The following SIRPD variants were observed in gnomAD, a reference collection of about 807,000 sequenced individuals.
SIRPD encodes signal-regulatory protein delta.
SIRPD carries 21 observed loss-of-function variants against 18.0 expected under a neutral mutation model. The observed-to-expected ratio is 1.17, with a 90% CI of 0.83 to 1.68. The LOEUF is 1.68. Among genes scored for constraint, SIRPD ranks in the 40% most tolerant of loss-of-function variants. The probability of loss-of-function intolerance (pLI) is 0.00; values close to 1 mark genes in which losing one functional copy is unlikely to be tolerated. For missense variants in SIRPD, 295 were observed against 238.4 expected, an observed-to-expected ratio of 1.24 and a Z score of -1.56; for synonymous variants, 106 against 92.9, an observed-to-expected ratio of 1.14 and a Z score of -0.81.
intron 2 of SIRPD, among the ~76,000 whole-genome samples, chr20:1,541,389 T>G (rs986850151): frequency 6.6e-6 from 1 of 152,238 alleles, no homozygotes; most frequent in Non-Finnish European, 1.5e-5. Flanking sequence ...AAATGACCAG[T>G]GATGATGAGC....
At chr20:1,548,122 GTGATAGGAGA>G (rs2091002112) in intron 2 of SIRPD, among the ~76,000 whole-genome samples, 2 of 152,250 alleles carry the variant, frequency 1.3e-5, no homozygotes, top group South Asian at 4.1e-4. Context: ...AGTAGAAATG[GTGATAGGAGA>G]TATCCTTGTG....
chr20:1,538,900 C>T (rs896498876), intron 2 of SIRPD, among the ~76,000 whole-genome samples: 4 of 152,166 alleles, frequency 2.6e-5, no homozygotes, highest in African/African-American at 9.7e-5. Context: ...ATTCCTTACC[C>T]ACAGTGTCAT....
In SIRPD at chr20:1,537,242, G is replaced by T; in HGVS notation, c.490C>A (p.His164Asn). 1 of 1,614,114 alleles carries T rather than the reference G, an allele frequency of 6.2e-7. No individual in the cohort carries two copies. Among genetic ancestry groups the T allele is most frequent in the East Asian group, 2.2e-5 (1 of 44,860 alleles). Residue 164 changes from histidine to asparagine, a missense_variant, in exon 3 of 4, where the codon CAT becomes AAT. By Grantham distance (68) the His-to-Asn change is moderately conservative. Transcript: ENST00000381623. Reference protein sequence around the residue: ...RAGSRAHHDAHTCLSALPERN... With the variant: ...RAGSRAHHDANTCLSALPERN... ...TCAGGCAGGGCCGAGAGGCAGGTAT[G>T]GGCATCATGGTGGGCCCTGGAGCCT... is the stretch of plus-strand genomic sequence containing the variant.
In SIRPD at chr20:1,551,680, G is replaced by C. The variant is rs763660247; in HGVS notation, c.421+11C>G. ...ACACCAGGGGGTATGGGGTATAGGA[G>C]ACATACTCACCAGTAACAAACACCT... is the stretch of plus-strand genomic sequence containing the variant. On this transcript the variant is annotated intron_variant, in intron 2 of 3. Transcript: ENST00000381623. 3.7e-6 allele frequency: 6 copies of C among 1,601,744 alleles called. No homozygotes were observed. The highest frequency in any genetic ancestry group is 5.1e-6 in the Non-Finnish European group (6 of 1,171,214).
Position 1,537,188 on chromosome 20 carries a change from G to A in SIRPD, c.544C>T (p.Pro182Ser), listed in dbSNP as rs778277018. 9 of 1,613,978 alleles carry A rather than the reference G, an allele frequency of 5.6e-6. No individual in the cohort carries two copies. In the Admixed American group the frequency reaches 1.5e-4, roughly 27 times the overall value. Residue 182 changes from proline (P) to serine (S), a missense_variant, in exon 3 of 4, where the codon CCC becomes TCC. Pro to Ser is a moderately conservative substitution (Grantham distance 74). Transcript: ENST00000381623. The stretch of plus-strand genomic sequence containing the variant: ...CCCAGCAGCCGGAGGCAGCAGCAGG[G>A]TTGGACGAAATAGTTTGTGCTGTTT... ...ERNSTNYFVQPCCCLRLLGLT... is the reference protein window; with the variant it reads ...ERNSTNYFVQSCCCLRLLGLT...
At chr20:1,554,433 A>G (rs901398819) in intron 1 of SIRPD, 8 of 152,586 alleles carry the variant, frequency 5.2e-5, no homozygotes, top group African/African-American at 1.4e-4. Context: ...TCATATAAAA[A>G]TTACAATGCT....
rs1305126360 is a variant in SIRPD, at chr20:1,551,848, C to A, written c.264G>T (p.Glu88Asp). The change falls in exon 2 of 4, where the codon GAG becomes GAT. Residue 88 changes from glutamate (E) to aspartate (D), a missense_variant. Glu to Asp is a conservative substitution (Grantham distance 45, BLOSUM62 2). Transcript: ENST00000381623. ...FKQGNFPRVK[E>D]IGDTTKPGNT... ...TGCCAGGCTTGGTGGTGTCTCCAAT[C>A]TCTTTTACTCTGGGAAAGTTACCTT... 2 of 1,614,122 alleles carry A rather than the reference C, an allele frequency of 1.2e-6. No homozygotes were observed. Among genetic ancestry groups the A allele is most frequent in the Non-Finnish European group, 1.7e-6 (2 of 1,179,986 alleles).
Position 1,557,638 on chromosome 20 carries a change from A to T in SIRPD, c.16T>A (p.Ser6Thr). 6.2e-7 allele frequency: 1 copy of T among 1,610,086 alleles called. No individual in the cohort carries two copies. The highest frequency in any genetic ancestry group is 8.5e-7 in the Non-Finnish European group (1 of 1,178,184). The change falls in exon 1 of 4, where the codon TCC becomes ACC. Residue 6 changes from serine (S) to threonine (T), a missense_variant. By Grantham distance (58) the Ser-to-Thr change is moderately conservative. Transcript: ENST00000381623. MPIPA[S>T]PLHPPLPSLL... The stretch of plus-strand genomic sequence containing the variant: ...GAAGGCAGAGGTGGGTGGAGTGGGG[A>T]GGCAGGGATGGGCATTGTGGTGAAA...
intron 2 of SIRPD, among the ~76,000 whole-genome samples, chr20:1,537,782 G>A (rs1388233906): frequency 1.3e-5 from 2 of 152,186 alleles, no homozygotes; most frequent in Non-Finnish European, 1.5e-5. Context: ...TTCAAAGTAC[G>A]CTTACAGGGG....
chr20:1,551,537 C>T (rs1157864257), intron 2 of SIRPD, among the ~76,000 whole-genome samples, 154 bp downstream of exon 2: 2 of 152,144 alleles, frequency 1.3e-5, no homozygotes, highest in Non-Finnish European at 1.5e-5. Flanking sequence ...TGTAAAATAC[C>T]TAACTCACAG....
intron 2 of SIRPD, among the ~76,000 whole-genome samples, chr20:1,542,915 T>C (rs1226130644): frequency 1.3e-5 from 2 of 152,248 alleles, no homozygotes; most frequent in Non-Finnish European, 2.9e-5. Context: ...TGGTTCTGTT[T>C]ATGTGATGGA....
intron 1 of SIRPD, 107 bp from the exon 2 acceptor site, chr20:1,552,145 A>G: frequency 1.1e-6 from 1 of 875,530 alleles, no homozygotes; most frequent in Non-Finnish European, 1.7e-6. Context: ...ACATGCGCAA[A>G]TGCCCATGCA....
At chr20:1,541,684 T>C (rs1010915142) in intron 2 of SIRPD, among the ~76,000 whole-genome samples, 1 of 152,236 alleles carries the variant, frequency 6.6e-6, no homozygotes, top group Non-Finnish European at 1.5e-5. Flanking sequence ...TGCAATTGCT[T>C]TTGGTGTTTT....
intron 2 of SIRPD, among the ~76,000 whole-genome samples, chr20:1,545,322 C>T (rs1568668035): frequency 6.6e-6 from 1 of 152,126 alleles, no homozygotes; most frequent in East Asian, 1.9e-4. Flanking sequence ...CTTTTTCACT[C>T]TTTTTTCTCT....
intron 2 of SIRPD, among the ~76,000 whole-genome samples, chr20:1,548,340 CT>C (rs34139036): frequency 0.21 from 31,157 of 151,000 alleles, 3,552 homozygotes; most frequent in Non-Finnish European, 0.27. Flanking sequence ...TACCAAATTC[CT>C]TTTTTTTTAT....
intron 1 of SIRPD, 150 bp from the exon 2 acceptor site, chr20:1,552,188 A>C: frequency 1.5e-6 from 1 of 655,794 alleles, no homozygotes; most frequent in East Asian, 2.7e-5. Context: ...ACATGGAGGC[A>C]GCTTCTCCCT....
chr20:1,555,398 T>A (rs1326376125), intron 1 of SIRPD, among the ~76,000 whole-genome samples: 1 of 152,198 alleles, frequency 6.6e-6, no homozygotes, highest in Non-Finnish European at 1.5e-5. Context: ...TAGTTAGACA[T>A]GAGGAATAGG....
At chr20:1,544,733 C>T (rs185980739) in intron 2 of SIRPD, among the ~76,000 whole-genome samples, 36 of 152,124 alleles carry the variant, frequency 2.4e-4, no homozygotes, top group East Asian at 2.3e-3. Context: ...TACATTTTGG[C>T]GTGTTTTTGC....
At chr20:1,538,169 C>T (rs2090955663) in intron 2 of SIRPD, among the ~76,000 whole-genome samples, 1 of 152,148 alleles carries the variant, frequency 6.6e-6, no homozygotes, top group Non-Finnish European at 1.5e-5. Context: ...CTCAGTTTCC[C>T]CACTGCTCCC....
Sources: gnomAD v4.1 joint callset for allele counts (sites outside exome capture counted in the v4.1 genomes callset) on GRCh38, gnomAD v4.1.1 for gene constraint, MANE v1.5 for transcripts, NCBI Gene and HGNC (gene_info 2026-07-23, HGNC 2026-07-21) for gene names.